Variants in PLCH1 observed in about 807,000 individuals in gnomAD.
The protein encoded by PLCH1 is 1-phosphatidylinositol 4,5-bisphosphate phosphodiesterase eta-1.
In PLCH1, 60 loss-of-function variants were observed where a neutral mutation model predicts 126.7. The observed-to-expected ratio is 0.47, with a 90% CI of 0.38 to 0.59. The LOEUF (loss-of-function observed/expected upper bound fraction) is 0.59. Ranked by LOEUF, PLCH1 falls within the 20% of genes least tolerant of loss-of-function variation. The pLI is 0.00. For missense variants in PLCH1, 1,723 were observed against 2,040.0 expected (o/e 0.84, Z 2.99); for synonymous variants, 719 against 734.9 (o/e 0.98, Z 0.35).
intron 2 of PLCH1, among the ~76,000 whole-genome samples, chr3:155,701,452 T>C (rs1051216714): frequency 2.0e-5 from 3 of 152,232 alleles, no homozygotes; most frequent in Non-Finnish European, 4.4e-5. Flanking sequence ...AAAGAGACCC[T>C]GGCTGGCATA....
At chr3:155,721,910 G>A (rs1032519875) in intron 1 of PLCH1, among the ~76,000 whole-genome samples, 6 of 152,030 alleles carry the variant, frequency 3.9e-5, no homozygotes, top group African/African-American at 1.2e-4. Context: ...AGCCGGGCAT[G>A]GTGGCACATG....
intron 6 of PLCH1, among the ~76,000 whole-genome samples, chr3:155,572,563 G>C (rs1434187443): frequency 6.6e-6 from 1 of 152,130 alleles, no homozygotes; most frequent in Non-Finnish European, 1.5e-5. Flanking sequence ...TGTCAGTCTA[G>C]AGAATCTTAC....
chr3:155,489,595 C>T (rs9856512), intron 19 of PLCH1, among the ~76,000 whole-genome samples: 41,211 of 151,890 alleles, frequency 0.27, 6,068 homozygotes, highest in East Asian at 0.42. Context: ...TAGCTTCTCA[C>T]GAAGCAAGAC....
intron 2 of PLCH1, among the ~76,000 whole-genome samples, chr3:155,660,191 A>G (rs757886259): frequency 1.9e-4 from 29 of 152,216 alleles, no homozygotes; most frequent in Non-Finnish European, 3.5e-4. Flanking sequence ...GCTGAACACA[A>G]TTGAAAGTCG....
chr3:155,491,885 C>A (rs1336474771), intron 18 of PLCH1, among the ~76,000 whole-genome samples: 1 of 152,068 alleles, frequency 6.6e-6, no homozygotes, highest in Non-Finnish European at 1.5e-5. Flanking sequence ...ATCCTCTCCT[C>A]TAGGGGGAAA....
intron 8 of PLCH1, among the ~76,000 whole-genome samples, chr3:155,564,558 C>T (rs1460531209): frequency 6.6e-6 from 1 of 150,988 alleles, no homozygotes; most frequent in African/African-American, 2.4e-5. Context: ...AGCGAGACTC[C>T]ATCTCAAAAA....
At chr3:155,592,495 C>CAA (rs35964197) in intron 4 of PLCH1, among the ~76,000 whole-genome samples, 14 of 135,902 alleles carry the variant, frequency 1.0e-4, no homozygotes, top group Admixed American at 2.2e-4. Context: ...ACTCCATCTC[C>CAA]AAAAAAAAAA....
chr3:155,726,362 G>A (rs1212655683), intron 1 of PLCH1, among the ~76,000 whole-genome samples: 1 of 152,018 alleles, frequency 6.6e-6, no homozygotes, highest in Non-Finnish European at 1.5e-5. Flanking sequence ...AGAATCCTAG[G>A]GTGACAGTTA....
intron 6 of PLCH1, among the ~76,000 whole-genome samples, chr3:155,573,892 T>C (rs1198174420): frequency 2.6e-5 from 4 of 152,156 alleles, no homozygotes; most frequent in Non-Finnish European, 5.9e-5. Flanking sequence ...CTCAGCCGTG[T>C]GTGGCATCAC....
intron 1 of PLCH1, among the ~76,000 whole-genome samples, chr3:155,708,048 A>G (rs112557691): frequency 2.6e-5 from 4 of 152,152 alleles, no homozygotes; most frequent in African/African-American, 9.7e-5. Flanking sequence ...GTTACTGAGA[A>G]CCTACTATGC....
At chr3:155,741,607 A>G (rs1749623318) in intron 1 of PLCH1, among the ~76,000 whole-genome samples, 1 of 150,764 alleles carries the variant, frequency 6.6e-6, no homozygotes, top group Admixed American at 6.6e-5. Context: ...ATGTCTAGAA[A>G]TTATTCCATC....
At chr3:155,729,442 G>A (rs1748589029) in intron 1 of PLCH1, among the ~76,000 whole-genome samples, 1 of 152,178 alleles carries the variant, frequency 6.6e-6, no homozygotes, top group South Asian at 2.1e-4. Flanking sequence ...GTGGGATGTT[G>A]CAGCCAGATG....
intron 4 of PLCH1, among the ~76,000 whole-genome samples, chr3:155,588,772 C>T (rs1403187095): frequency 2.6e-5 from 4 of 152,144 alleles, no homozygotes; most frequent in Admixed American, 1.3e-4. Flanking sequence ...TACAGTAGTC[C>T]TAATTCTACT....
intron 10 of PLCH1, among the ~76,000 whole-genome samples, chr3:155,541,842 T>C (rs537979989): frequency 1.9e-4 from 27 of 145,312 alleles, no homozygotes; most frequent in African/African-American, 6.6e-4. Flanking sequence ...TCACACAAAA[T>C]GCAGTGTCTG....
At chr3:155,477,940 T>C (rs1406807096), downstream of PLCH1, among the ~76,000 whole-genome samples, 1 of 152,186 alleles carries the variant, frequency 6.6e-6, no homozygotes, top group Non-Finnish European at 1.5e-5. Flanking sequence ...AAGAGATCTC[T>C]GCACTCCTAT....
chr3:155,726,300 G>A (rs1050216266), intron 1 of PLCH1, among the ~76,000 whole-genome samples: 1 of 152,104 alleles, frequency 6.6e-6, no homozygotes, highest in Non-Finnish European at 1.5e-5. Flanking sequence ...TTGTGCATCT[G>A]AAAGGCCTTT....
At chr3:155,532,766 T>C (rs551538866) in intron 10 of PLCH1, among the ~76,000 whole-genome samples, 1 of 152,298 alleles carries the variant, frequency 6.6e-6, no homozygotes, top group South Asian at 2.1e-4. Flanking sequence ...TTAAACCTCT[T>C]TCCTCTATAA....
intron 10 of PLCH1, among the ~76,000 whole-genome samples, chr3:155,534,365 G>A (rs561668705): frequency 4.6e-5 from 7 of 152,336 alleles, no homozygotes; most frequent in Non-Finnish European, 1.0e-4. Flanking sequence ...GACTTGCATG[G>A]AGCCTGTATC....
intron 21 of PLCH1, chr3:155,457,808 A>T (rs1308730595): frequency 6.6e-6 from 1 of 152,194 alleles, no homozygotes; most frequent in Non-Finnish European, 1.5e-5. Context: ...TTATGTGCCA[A>T]GCCAGATCTG....
Sources: allele counts gnomAD v4.1 joint callset (sites outside exome capture counted in the v4.1 genomes callset), GRCh38; gene constraint gnomAD v4.1.1; transcripts MANE v1.5; gene names NCBI Gene and HGNC (gene_info 2026-07-23, HGNC 2026-07-21).